LRRC7: variants seen among roughly 807,000 people sequenced by gnomAD.
The protein encoded by LRRC7 is leucine rich repeat containing 7, also known as leucine-rich repeat-containing protein 7.
LRRC7 carries 23 observed loss-of-function variants against 175.7 expected under a neutral mutation model. The ratio of observed to expected loss-of-function variants is 0.13; its 90% CI spans 0.09 to 0.19. The LOEUF is 0.19. Among genes scored for constraint, LRRC7 ranks in the 10% least tolerant of loss-of-function variants. LRRC7 has a pLI of 1.00. For missense variants in LRRC7, 1,354 were observed against 1,904.7 expected (o/e 0.71, Z 5.38); for synonymous variants, 685 against 680.9 (o/e 1.01, Z -0.09).
intron 1 of LRRC7, among the ~76,000 whole-genome samples, chr1:69,624,135 A>G (rs1651106029): frequency 6.6e-6 from 1 of 152,196 alleles, no homozygotes; most frequent in African/African-American, 2.4e-5. Flanking sequence ...TACTGTTTAC[A>G]GTCCCTCCAG....
At chr1:69,849,517 T>C (rs898141457) in intron 7 of LRRC7, among the ~76,000 whole-genome samples, 2 of 152,002 alleles carry the variant, frequency 1.3e-5, no homozygotes, top group African/African-American at 4.8e-5. Flanking sequence ...CTTCCATCTA[T>C]ATGGATATAC....
At chr1:70,021,303 C>G (rs1657470914) in intron 16 of LRRC7, 174 bp downstream of exon 16, 1 of 538,672 alleles carries the variant, frequency 1.9e-6, no homozygotes, top group East Asian at 3.7e-5. Context: ...CAGAATGAGA[C>G]TAATGTCCCA....
intron 4 of LRRC7, among the ~76,000 whole-genome samples, chr1:69,818,946 A>G (rs1019872620): frequency 6.6e-6 from 1 of 151,964 alleles, no homozygotes; most frequent in Admixed American, 6.6e-5. Flanking sequence ...GTGTCTTCTC[A>G]TTCATTTCTG....
At chr1:69,617,527 A>C (rs1649823266) in intron 1 of LRRC7, among the ~76,000 whole-genome samples, 1 of 123,712 alleles carries the variant, frequency 8.1e-6, no homozygotes, top group Non-Finnish European at 1.6e-5. Context: ...TGTGAGCTGA[A>C]GGTTGTTATA....
chr1:69,752,946 G>C (rs1669998145), intron 2 of LRRC7, among the ~76,000 whole-genome samples: 1 of 151,922 alleles, frequency 6.6e-6, no homozygotes, highest in Non-Finnish European at 1.5e-5. Context: ...TTCCTCTTTT[G>C]GCTGTGTGCA....
chr1:69,658,835 A>G (rs1657026601), intron 1 of LRRC7, among the ~76,000 whole-genome samples: 1 of 152,080 alleles, frequency 6.6e-6, no homozygotes, highest in African/African-American at 2.4e-5. Flanking sequence ...GAAAAGAACA[A>G]GAGTCTATAA....
chr1:69,780,114 C>T (rs1187190890), intron 3 of LRRC7, among the ~76,000 whole-genome samples: 1 of 152,124 alleles, frequency 6.6e-6, no homozygotes, highest in African/African-American at 2.4e-5. Context: ...TTCATAGGTG[C>T]CAAATGTTTC....
chr1:69,771,976 G>A (rs982050092), intron 3 of LRRC7, among the ~76,000 whole-genome samples: 1 of 151,860 alleles, frequency 6.6e-6, no homozygotes, highest in Admixed American at 6.6e-5. Flanking sequence ...CAAAAAATTA[G>A]CCAGGCATGA....
At chr1:70,041,318 G>T (rs1659876859) in intron 21 of LRRC7, among the ~76,000 whole-genome samples, 1 of 152,062 alleles carries the variant, frequency 6.6e-6, no homozygotes, top group South Asian at 2.1e-4. Context: ...TTTTTTTTAG[G>T]GAAGGAGTGA....
intron 8 of LRRC7, among the ~76,000 whole-genome samples, chr1:69,948,230 A>G (rs931573756): frequency 6.6e-6 from 1 of 152,178 alleles, no homozygotes; most frequent in Admixed American, 6.6e-5. Flanking sequence ...GGAAAATGAA[A>G]CTGTGGATAA....
At chr1:69,848,107 A>G (rs1410295148) in intron 7 of LRRC7, among the ~76,000 whole-genome samples, 2 of 152,114 alleles carry the variant, frequency 1.3e-5, no homozygotes, top group Non-Finnish European at 2.9e-5. Context: ...GAAATTAGCC[A>G]TAGATTTTGC....
chr1:69,668,249 A>G (rs1658554666), intron 1 of LRRC7, among the ~76,000 whole-genome samples: 1 of 152,056 alleles, frequency 6.6e-6, no homozygotes, highest in African/African-American at 2.4e-5. Flanking sequence ...GCACCCATCA[A>G]CCCATCATCT....
chr1:69,583,665 C>G (rs1646287680), intron 1 of LRRC7, among the ~76,000 whole-genome samples: 1 of 152,104 alleles, frequency 6.6e-6, no homozygotes, highest in South Asian at 2.1e-4. Flanking sequence ...ACAACTTACC[C>G]CCAATTGGGG....
intron 4 of LRRC7, among the ~76,000 whole-genome samples, chr1:69,793,635 T>C (rs1442100507): frequency 6.6e-6 from 1 of 152,096 alleles, no homozygotes; most frequent in Non-Finnish European, 1.5e-5. Flanking sequence ...TTTTACTCTT[T>C]TTTTTTTCTT....
intron 11 of LRRC7, among the ~76,000 whole-genome samples, chr1:69,998,110 G>C (rs1655178187): frequency 6.6e-6 from 1 of 152,120 alleles, no homozygotes; most frequent in Non-Finnish European, 1.5e-5. Context: ...ATTCTCAAGA[G>C]GGGAAAGCCT....
intron 6 of LRRC7, among the ~76,000 whole-genome samples, chr1:69,837,525 A>C (rs1681255118): frequency 6.6e-6 from 1 of 151,880 alleles, no homozygotes; most frequent in African/African-American, 2.4e-5. Context: ...TTTGGATTTC[A>C]TCCAGGTTTG....
intron 13 of LRRC7, among the ~76,000 whole-genome samples, chr1:70,015,111 T>C (rs1656851476): frequency 6.6e-6 from 1 of 152,074 alleles, no homozygotes. Context: ...GGAATAACTT[T>C]TAGGGGTAAT....
intron 7 of LRRC7, among the ~76,000 whole-genome samples, chr1:69,897,962 G>A (rs140413484): frequency 5.9e-5 from 9 of 152,326 alleles, no homozygotes; most frequent in Non-Finnish European, 1.3e-4. Context: ...TCCGTGCAGA[G>A]TAGATTATAG....
chr1:69,796,240 T>C (rs1420650273), intron 4 of LRRC7, among the ~76,000 whole-genome samples: 3 of 150,932 alleles, frequency 2.0e-5, no homozygotes, highest in Non-Finnish European at 2.9e-5. Flanking sequence ...GTCCTTGCAA[T>C]AGTTTGCTGA....
Sources: allele counts gnomAD v4.1 joint callset (sites outside exome capture counted in the v4.1 genomes callset), GRCh38; gene constraint gnomAD v4.1.1; transcripts MANE v1.5; gene names NCBI Gene and HGNC (gene_info 2026-07-23, HGNC 2026-07-21).